AK5: variants seen among roughly 807,000 people sequenced by gnomAD.
AK5 encodes adenylate kinase isoenzyme 5.
AK5 carries 27 observed loss-of-function variants against 69.5 expected under a neutral mutation model. The ratio of observed to expected loss-of-function variants is 0.39; its 90% CI spans 0.29 to 0.54. The LOEUF is 0.54. AK5 is among the 20% of genes least tolerant of loss of function. The pLI is 0.71. For synonymous variants in AK5, 260 were observed against 244.4 expected, an observed-to-expected ratio of 1.06 and a Z score of -0.60; for missense variants, 531 against 700.4, an observed-to-expected ratio of 0.76 and a Z score of 2.73.
At chr1:77,419,546 C>A (rs1037579898) in intron 8 of AK5, among the ~76,000 whole-genome samples, 1 of 152,100 alleles carries the variant, frequency 6.6e-6, no homozygotes, top group African/African-American at 2.4e-5. Context: ...TGTAGGCACA[C>A]ACAAAAATAT....
chr1:77,465,721 T>C (rs998848173), intron 8 of AK5, among the ~76,000 whole-genome samples: 1 of 152,212 alleles, frequency 6.6e-6, no homozygotes, highest in African/African-American at 2.4e-5. Flanking sequence ...GCACTGGATG[T>C]GACCCCAAAC....
chr1:77,315,614 T>G (rs1660204816), intron 5 of AK5, among the ~76,000 whole-genome samples: 2 of 152,082 alleles, frequency 1.3e-5, no homozygotes, highest in Non-Finnish European at 2.9e-5. Context: ...ACTAAACTGA[T>G]TGGATAGTGA....
chr1:77,540,150 C>T (rs551267458), intron 13 of AK5, among the ~76,000 whole-genome samples: 3 of 152,168 alleles, frequency 2.0e-5, no homozygotes, highest in African/African-American at 4.8e-5. Context: ...AAATTTCAAA[C>T]AAAGATAATT....
chr1:77,537,296 C>T (rs1659023637), intron 13 of AK5, among the ~76,000 whole-genome samples: 1 of 151,944 alleles, frequency 6.6e-6, no homozygotes, highest in Non-Finnish European at 1.5e-5. Context: ...CTCCACGAGG[C>T]TGTGACATAA....
chr1:77,308,951 A>G (rs1451037268), intron 5 of AK5, among the ~76,000 whole-genome samples: 2 of 151,936 alleles, frequency 1.3e-5, no homozygotes. Flanking sequence ...CCTAGCTGAC[A>G]GAGTGAGACA....
In AK5 at chr1:77,514,997, T is replaced by C. The variant is rs115492622; in HGVS notation, c.1148-3567T>C. Among the ~76,000 whole-genome samples, 130 of 152,284 alleles carry C rather than the reference T, an allele frequency of 8.5e-4. No homozygotes were observed. The Middle Eastern group carries it at 0.017, about 20-fold the overall frequency. ...GTCATTTACCTGGAAGCACCACTTC[T>C]CCAGAGTGGCCACCTTGTTCCCACA... is the stretch of plus-strand genomic sequence containing the variant. On this transcript the variant is annotated intron_variant, in intron 10 of 13. Transcript: ENST00000354567.
At chr1:77,364,158 A>G (rs1461456711) in intron 6 of AK5, among the ~76,000 whole-genome samples, 1 of 152,226 alleles carries the variant, frequency 6.6e-6, no homozygotes, top group Non-Finnish European at 1.5e-5. Flanking sequence ...GGACATTAAG[A>G]ATTAGTTTTC....
intron 8 of AK5, among the ~76,000 whole-genome samples, chr1:77,481,233 A>G (rs114105424): frequency 3.9e-4 from 60 of 152,368 alleles, no homozygotes; most frequent in African/African-American, 1.3e-3. Context: ...CGGCATGGCC[A>G]TGGGCCCTTC....
At chr1:77,531,779 A>G (rs1658611507) in intron 12 of AK5, among the ~76,000 whole-genome samples, 1 of 131,146 alleles carries the variant, frequency 7.6e-6, no homozygotes, top group African/African-American at 2.9e-5. Context: ...CTCAGGGTGG[A>G]TGGGACTGGG....
At chr1:77,500,014 C>G (rs139719396) in intron 10 of AK5, among the ~76,000 whole-genome samples, 3 of 151,622 alleles carry the variant, frequency 2.0e-5, no homozygotes, top group Admixed American at 1.3e-4. Context: ...TTACTTCCCC[C>G]CAAGTTCCTC....
chr1:77,375,864 G>A (rs562539869), intron 6 of AK5, among the ~76,000 whole-genome samples: 5 of 152,264 alleles, frequency 3.3e-5, no homozygotes, highest in Admixed American at 3.3e-4. Flanking sequence ...CTTGCTACAT[G>A]TGTAACCTAA....
chr1:77,348,927 A>G (rs533027610), intron 6 of AK5, among the ~76,000 whole-genome samples: 1 of 152,320 alleles, frequency 6.6e-6, no homozygotes, highest in Non-Finnish European at 1.5e-5. Context: ...AGAAAATAAT[A>G]CTTTTGGTAA....
At chr1:77,470,256 G>A (rs1256013516) in intron 8 of AK5, among the ~76,000 whole-genome samples, 2 of 152,194 alleles carry the variant, frequency 1.3e-5, no homozygotes, top group African/African-American at 4.8e-5. Flanking sequence ...TGTAGTCCCA[G>A]CACTTAGTGA....
chr1:77,416,047 A>ATT (rs148096437), intron 7 of AK5, among the ~76,000 whole-genome samples: 1 of 150,496 alleles, frequency 6.6e-6, no homozygotes, highest in African/African-American at 2.4e-5. Flanking sequence ...ACATATATAG[A>ATT]TTTTTTTTTT....
intron 6 of AK5, among the ~76,000 whole-genome samples, chr1:77,407,711 A>G (rs982089703): frequency 1.4e-4 from 22 of 152,082 alleles, no homozygotes; most frequent in Admixed American, 2.0e-4. Flanking sequence ...GGTTTAGAGT[A>G]TGATTGACGC....
In AK5 at chr1:77,358,018, T is replaced by TGTGTGAGAGA. The variant is rs762714026; in HGVS notation, c.891+17451_891+17452insTGTGAGAGAG. ...GTGTGTGTGTGTGTGTGTGTGTGTG[T>TGTGTGAGAGA]GAGAGAGAGAGAGAGAGAGAGACAG... On this transcript the variant is annotated intron_variant, in intron 6 of 13. Coordinates refer to ENST00000354567, the MANE Select transcript of AK5 (RefSeq NM_174858.3). Among the ~76,000 whole-genome samples the TGTGTGAGAGA allele has an allele frequency of 1.0e-4, 13 of 128,272 alleles. 1 individual carries two copies. In the East Asian group the frequency reaches 1.5e-3, roughly 15 times the overall value. The allele number at this position is 128,272 out of a possible 152,430, so 84.2% of individuals were successfully genotyped here.
At chr1:77,424,604 A>G (rs751281648) in intron 8 of AK5, among the ~76,000 whole-genome samples, 2 of 152,244 alleles carry the variant, frequency 1.3e-5, no homozygotes, top group African/African-American at 2.4e-5. Context: ...TCTAGAGATC[A>G]AAAACACTGT....
chr1:77,399,884 G>A (rs948107158), intron 6 of AK5, among the ~76,000 whole-genome samples: 2 of 152,210 alleles, frequency 1.3e-5, no homozygotes, highest in Non-Finnish European at 2.9e-5. Context: ...CTGGGCAGTA[G>A]CCAGTTTCCC....
chr1:77,418,708 G>A (rs1345874577), intron 8 of AK5, among the ~76,000 whole-genome samples: 2 of 152,152 alleles, frequency 1.3e-5, no homozygotes, highest in East Asian at 3.9e-4. Flanking sequence ...ATGGCTAAAA[G>A]CCAAGTGAAC....
Sources: allele counts gnomAD v4.1 joint callset (sites outside exome capture counted in the v4.1 genomes callset), GRCh38; gene constraint gnomAD v4.1.1; transcripts MANE v1.5; gene names NCBI Gene and HGNC (gene_info 2026-07-23, HGNC 2026-07-21).